Variants in MAPRE2 observed in about 807,000 individuals in gnomAD.
The protein encoded by MAPRE2 is microtubule-associated protein RP/EB family member 2.
A neutral mutation model predicts 43.2 loss-of-function variants in MAPRE2; 13 were observed. That is an observed-to-expected ratio of 0.30 (90% CI 0.20 to 0.48). The LOEUF is 0.48. Ranked by LOEUF, MAPRE2 falls within the 20% of genes least tolerant of loss-of-function variation. The pLI is 0.99. For synonymous variants in MAPRE2, 135 were observed against 148.8 expected, an observed-to-expected ratio of 0.91 and a Z score of 0.68; for missense variants, 161 against 400.2, an observed-to-expected ratio of 0.40 and a Z score of 5.10.
chr18:35,064,777 C>T (rs1408830104), intron 1 of MAPRE2, among the ~76,000 whole-genome samples: 2 of 152,124 alleles, frequency 1.3e-5, no homozygotes, highest in Non-Finnish European at 2.9e-5. Flanking sequence ...AAAGCATAAC[C>T]TTGCTGTACC....
At chr18:35,090,282 C>A (rs1908081579) in intron 2 of MAPRE2, among the ~76,000 whole-genome samples, 1 of 152,000 alleles carries the variant, frequency 6.6e-6, no homozygotes, top group South Asian at 2.1e-4. Context: ...AAAGGTTGAA[C>A]TTTAGGGTAT....
intron 1 of MAPRE2, among the ~76,000 whole-genome samples, chr18:34,992,819 G>A (rs1418330463): frequency 6.6e-6 from 1 of 152,056 alleles, no homozygotes; most frequent in South Asian, 2.1e-4. Context: ...TGTGATTTCC[G>A]GCAGATCAGA....
chr18:35,116,719 G>A (rs1241656344), intron 4 of MAPRE2, among the ~76,000 whole-genome samples: 2 of 152,188 alleles, frequency 1.3e-5, no homozygotes, highest in Non-Finnish European at 2.9e-5. Flanking sequence ...TCTCTGGTGT[G>A]TTTGTCAGCA....
chr18:35,024,981 G>T (rs766566872), intron 2 of MAPRE2, among the ~76,000 whole-genome samples: 3 of 152,132 alleles, frequency 2.0e-5, no homozygotes, highest in Non-Finnish European at 4.4e-5. Flanking sequence ...ACACTAGAGG[G>T]TTATTCTGAA....
At chr18:35,033,313 C>CA (rs201407334) in intron 2 of MAPRE2, among the ~76,000 whole-genome samples, 1 of 152,046 alleles carries the variant, frequency 6.6e-6, no homozygotes, top group Non-Finnish European at 1.5e-5. Context: ...AATTCAACAA[C>CA]CTTCATGCTA....
chr18:35,127,169 G>A (rs1432587308), intron 5 of MAPRE2, 82 bp downstream of exon 5: 3 of 1,430,190 alleles, frequency 2.1e-6, no homozygotes, highest in East Asian at 4.6e-5. Context: ...TAGGACTGGG[G>A]TAAGGGAGGG....
intron 6 of MAPRE2, among the ~76,000 whole-genome samples, chr18:35,135,526 C>G (rs1910347253): frequency 1.3e-5 from 2 of 152,262 alleles, no homozygotes; most frequent in East Asian, 3.9e-4. Flanking sequence ...CAGTCCTACA[C>G]TGGGGGAGTG....
intron 2 of MAPRE2, among the ~76,000 whole-genome samples, chr18:35,076,610 T>C (rs1193883319): frequency 6.6e-6 from 1 of 152,238 alleles, no homozygotes; most frequent in Non-Finnish European, 1.5e-5. Flanking sequence ...ACACAGGGAC[T>C]CTAGTCAGTA....
chr18:35,041,422 G>C lies in MAPRE2; in HGVS notation c.-118G>C, dbSNP rs1568980442. 1.7e-5 allele frequency: 27 copies of C among 1,566,924 alleles called. No individual in the cohort carries two copies. Among genetic ancestry groups the C allele is most frequent in the Non-Finnish European group, 2.0e-5 (23 of 1,157,320 alleles). On this transcript the variant is annotated 5_prime_UTR_variant, in exon 1 of 7. Transcript: ENST00000300249. ...CGCGAGCGAGAGCTGGGAGAAGGCA[G>C]TGAGCGAGCAGGCGGCAGGCACGGT...
intron 2 of MAPRE2, among the ~76,000 whole-genome samples, chr18:35,011,218 A>G (rs1216155492): frequency 2.0e-5 from 3 of 152,142 alleles, no homozygotes; most frequent in Non-Finnish European, 4.4e-5. Context: ...CTAAGCCAGA[A>G]CTGGTGTGCA....
intron 3 of MAPRE2, among the ~76,000 whole-genome samples, chr18:35,098,943 T>C (rs1908549467): frequency 6.6e-6 from 1 of 152,224 alleles, no homozygotes; most frequent in Middle Eastern, 3.2e-3. Flanking sequence ...TGCAGTGATG[T>C]GATCCAAAAG....
chr18:35,104,472 G>A (rs1258534685), intron 4 of MAPRE2, among the ~76,000 whole-genome samples: 3 of 152,070 alleles, frequency 2.0e-5, no homozygotes, highest in Admixed American at 6.6e-5. Flanking sequence ...TTAGGATAAG[G>A]CAATGTAAGC....
At chr18:35,031,568 C>A (rs1321791788) in intron 2 of MAPRE2, among the ~76,000 whole-genome samples, 1 of 152,130 alleles carries the variant, frequency 6.6e-6, no homozygotes, top group Non-Finnish European at 1.5e-5. Context: ...AAATTGCATT[C>A]ACATCATGTT....
At chr18:35,001,513 C>CAAAA (rs57415569) in intron 1 of MAPRE2, among the ~76,000 whole-genome samples, 1 of 137,190 alleles carries the variant, frequency 7.3e-6, no homozygotes, top group African/African-American at 2.8e-5. Context: ...GACTTTGTCT[C>CAAAA]AAAAAAAAAA....
In MAPRE2 at chr18:35,094,956, C is replaced by T. The variant is rs187045393; in HGVS notation, c.251-2490C>T. Among the ~76,000 whole-genome samples the T allele has an allele frequency of 1.2e-3, 184 of 152,240 alleles. 2 individuals are homozygous for T. Among genetic ancestry groups the T allele is most frequent in the Admixed American group, 3.5e-3 (53 of 15,276 alleles). ...TGTTGTGAGGGAAAGGGATGCCTGG[C>T]CACTTTCAGCTTCTGTGGTGGGAGG... On this transcript the variant is annotated intron_variant, in intron 2 of 6. Transcript: ENST00000300249.
At chr18:35,023,774 A>G (rs975197718) in intron 2 of MAPRE2, among the ~76,000 whole-genome samples, 1 of 152,118 alleles carries the variant, frequency 6.6e-6, no homozygotes, top group Non-Finnish European at 1.5e-5. Flanking sequence ...TTTTAGATTC[A>G]TTAAAGAGAT....
intron 1 of MAPRE2, among the ~76,000 whole-genome samples, chr18:35,055,317 C>G (rs994059946): frequency 1.3e-5 from 2 of 152,184 alleles, no homozygotes; most frequent in African/African-American, 4.8e-5. Flanking sequence ...CCTTGGCTTG[C>G]AGCTTCATCA....
At chr18:35,061,500 C>G (rs534386113) in intron 1 of MAPRE2, among the ~76,000 whole-genome samples, 1 of 152,248 alleles carries the variant, frequency 6.6e-6, no homozygotes, top group Admixed American at 6.5e-5. Context: ...AGGGTCTGTG[C>G]CTGGAGGAGT....
chr18:35,006,855 C>T (rs1243451001), intron 2 of MAPRE2, among the ~76,000 whole-genome samples: 3 of 152,182 alleles, frequency 2.0e-5, no homozygotes, highest in Non-Finnish European at 2.9e-5. Flanking sequence ...ACCAGCTACT[C>T]GGGTGGCTGA....
Sources: allele counts gnomAD v4.1 joint callset (sites outside exome capture counted in the v4.1 genomes callset), GRCh38; gene constraint gnomAD v4.1.1; transcripts MANE v1.5; gene names NCBI Gene and HGNC (gene_info 2026-07-23, HGNC 2026-07-21).